The following RPRD1B variants were observed in gnomAD, a reference collection of about 807,000 sequenced individuals.
RPRD1B encodes regulation of nuclear pre-mRNA domain containing 1B, also known as regulation of nuclear pre-mRNA domain-containing protein 1B.
In RPRD1B, 11 loss-of-function variants were observed where a neutral mutation model predicts 41.5. That is an observed-to-expected ratio of 0.27 (90% confidence interval 0.17 to 0.44). The LOEUF is 0.44. RPRD1B is among the 20% of genes least tolerant of loss of function. The pLI is 1.00. For synonymous variants in RPRD1B, 158 were observed against 155.6 expected, an observed-to-expected ratio of 1.02 and a Z score of -0.12; for missense variants, 248 against 389.9, an observed-to-expected ratio of 0.64 and a Z score of 3.06.
intron 1 of RPRD1B, among the ~76,000 whole-genome samples, chr20:38,035,157 G>A (rs548693306): frequency 7.2e-5 from 11 of 152,164 alleles, no homozygotes; most frequent in Non-Finnish European, 5.9e-5. Context: ...GCATTCAGCA[G>A]ATTATGGTGA....
intron 2 of RPRD1B, among the ~76,000 whole-genome samples, chr20:38,047,309 A>G (rs1340118649): frequency 1.3e-5 from 2 of 152,172 alleles, no homozygotes; most frequent in African/African-American, 4.8e-5. Context: ...CATAAGTGAG[A>G]CATTCTGACT....
chr20:38,088,187 TCTCA>T (rs1039214789), intron 6 of RPRD1B, among the ~76,000 whole-genome samples: 6 of 152,202 alleles, frequency 3.9e-5, no homozygotes, highest in Admixed American at 2.6e-4. Flanking sequence ...GGTTCCCTCC[TCTCA>T]CTCCTTGCTT....
At position 38,075,048 on chromosome 20, in the gene RPRD1B, T is replaced by C. The variant is rs73298452; in HGVS notation, c.831+8792T>C. 2.8e-3 allele frequency among the ~76,000 whole-genome samples: 427 copies of C among 152,346 alleles called. 3 individuals are homozygous for C. The highest frequency in any genetic ancestry group is 9.7e-3 in the African/African-American group (403 of 41,576). On this transcript the variant is annotated intron_variant, in intron 6 of 6. Transcript: ENST00000373433. Reference sequence around the variant, plus strand: ...AATGATTATTTGTATTGAGCACTTGTATGTTTCTGTCTCTGTCTCTTAGCT... The same window carrying C: ...AATGATTATTTGTATTGAGCACTTGCATGTTTCTGTCTCTGTCTCTTAGCT...
At position 38,066,197 on chromosome 20, in the gene RPRD1B, T is replaced by C. The variant is rs2074353694; in HGVS notation, c.772T>C (p.Leu258=). The change falls in exon 6 of 7, where the codon TTG becomes CTG. Residue 258 remains leucine, a synonymous_variant. Transcript: ENST00000373433. ...LEDRRQLARM[L]VEYTQNQKDV... The stretch of plus-strand genomic sequence containing the variant: ...GGACCGTCGCCAGCTGGCTCGGATG[T>C]TGGTGGAGTATACCCAGAATCAGAA... The C allele has an allele frequency of 1.2e-6, 2 of 1,614,104 alleles. No homozygotes were observed. Among genetic ancestry groups the C allele is most frequent in the African/African-American group, 1.3e-5 (1 of 74,930 alleles).
chr20:38,073,782 GC>G (rs1364411998), intron 6 of RPRD1B, among the ~76,000 whole-genome samples: 1 of 152,186 alleles, frequency 6.6e-6, no homozygotes, highest in African/African-American at 2.4e-5. Context: ...TTAGGTAAGA[GC>G]CCTTGGGTTT....
At chr20:38,052,637 TTTG>T (rs2074197311) in intron 3 of RPRD1B, among the ~76,000 whole-genome samples, 1 of 152,148 alleles carries the variant, frequency 6.6e-6, no homozygotes, top group Admixed American at 6.5e-5. Context: ...TGTGGTTTTT[TTTG>T]TTGTTGTTAA....
intron 3 of RPRD1B, among the ~76,000 whole-genome samples, chr20:38,051,024 T>C (rs2122711348): frequency 6.6e-6 from 1 of 152,340 alleles, no homozygotes; most frequent in East Asian, 1.9e-4. Context: ...GGGTAATTCT[T>C]TGTCTTCAGG....
Position 38,090,685 on chromosome 20 carries a change from T to C in RPRD1B, c.*810T>C. The C allele has an allele frequency of 1.0e-6, 1 of 985,476 alleles. No individual in the cohort carries two copies. Among genetic ancestry groups the C allele is most frequent in the Non-Finnish European group, 1.2e-6 (1 of 829,948 alleles). The allele number at this position is 985,476 out of a possible 1,614,324, so 61.0% of individuals were successfully genotyped here. On this transcript the variant is annotated 3_prime_UTR_variant, in exon 7 of 7. Coordinates refer to ENST00000373433, the MANE Select transcript of RPRD1B (RefSeq NM_021215.4). ...TCCCTGGTGGGTGCGAAGGCAGTTG[T>C]TAGGGATGGCAGGCATTGGTGGGCT...
chr20:38,056,545 A>G (rs1215888834), intron 3 of RPRD1B, among the ~76,000 whole-genome samples: 1 of 152,236 alleles, frequency 6.6e-6, no homozygotes, highest in East Asian at 1.9e-4. Context: ...ATGTGTATGT[A>G]TCTGCAGCAG....
chr20:38,085,816 G>C, intron 6 of RPRD1B, among the ~76,000 whole-genome samples: 1 of 151,890 alleles, frequency 6.6e-6, no homozygotes, highest in East Asian at 1.9e-4. Context: ...GTTGTATTTG[G>C]GGGAGTTTTG....
intron 6 of RPRD1B, among the ~76,000 whole-genome samples, chr20:38,081,497 C>T (rs948026222): frequency 3.3e-5 from 5 of 152,132 alleles, no homozygotes; most frequent in East Asian, 1.9e-4. Context: ...TAGCCTGCAA[C>T]GAGAGATAGT....
At chr20:38,066,679 G>A (rs569227140) in intron 6 of RPRD1B, among the ~76,000 whole-genome samples, 24 of 151,558 alleles carry the variant, frequency 1.6e-4, no homozygotes, top group Middle Eastern at 3.4e-3. Flanking sequence ...TTTTTGAGAC[G>A]CAGTCTCGCT....
intron 2 of RPRD1B, among the ~76,000 whole-genome samples, chr20:38,042,681 A>G (rs2074078888): frequency 6.6e-6 from 1 of 152,182 alleles, no homozygotes; most frequent in South Asian, 2.1e-4. Flanking sequence ...AGAAAGTCCA[A>G]CAGTTCTGCT....
intron 6 of RPRD1B, among the ~76,000 whole-genome samples, chr20:38,087,327 G>A (rs897552270): frequency 6.6e-6 from 1 of 152,206 alleles, no homozygotes; most frequent in African/African-American, 2.4e-5. Context: ...TCTAATTAGA[G>A]CAAAGTGCCT....
At chr20:38,065,026 A>G (rs1600418935) in intron 5 of RPRD1B, among the ~76,000 whole-genome samples, 1 of 152,034 alleles carries the variant, frequency 6.6e-6, no homozygotes, top group East Asian at 1.9e-4. Context: ...TAGAGCACAC[A>G]TAGTAAGAAT....
At chr20:38,058,258 G>C (rs1422426494) in intron 4 of RPRD1B, among the ~76,000 whole-genome samples, 1 of 152,038 alleles carries the variant, frequency 6.6e-6, no homozygotes, top group Non-Finnish European at 1.5e-5. Context: ...GGCGGGGGCG[G>C]GGGGGGCTTC....
intron 6 of RPRD1B, among the ~76,000 whole-genome samples, chr20:38,089,163 T>G (rs1217591846): frequency 6.6e-6 from 1 of 151,980 alleles, no homozygotes; most frequent in African/African-American, 2.4e-5. Flanking sequence ...GCCCTAGGGG[T>G]CAGGAGGCCT....
At chr20:38,060,362 C>A (rs73098431) in intron 5 of RPRD1B, among the ~76,000 whole-genome samples, 7,257 of 152,316 alleles carry the variant, frequency 0.048, 244 homozygotes, top group Middle Eastern at 0.11. Flanking sequence ...TCTCTAACTT[C>A]TTCCATATCT....
chr20:38,049,732 T>G (rs1323068326), intron 3 of RPRD1B: 1 of 471,190 alleles, frequency 2.1e-6, no homozygotes, highest in South Asian at 1.5e-5. Flanking sequence ...TTAGTTGTGG[T>G]TTAATTCTAG....
Sources: gnomAD v4.1 joint callset for allele counts (sites outside exome capture counted in the v4.1 genomes callset) on GRCh38, gnomAD v4.1.1 for gene constraint, MANE v1.5 for transcripts, NCBI Gene and HGNC (gene_info 2026-07-23, HGNC 2026-07-21) for gene names.